The following CTPS1 variants were observed in gnomAD, a reference collection of about 807,000 sequenced individuals.
CTPS1 encodes the protein CTP synthase 1, also known as CTP synthetase 1.
CTPS1 carries 25 observed loss-of-function variants against 80.5 expected under a neutral mutation model. The observed-to-expected ratio is 0.31, with a 90% CI of 0.23 to 0.43. The LOEUF is 0.43. Among genes scored for constraint, CTPS1 ranks in the 20% least tolerant of loss-of-function variants. The pLI, the probability that CTPS1 is intolerant of heterozygous loss-of-function variation, is 1.00. For missense variants in CTPS1, 442 were observed against 725.7 expected, an observed-to-expected ratio of 0.61 and a Z score of 4.49; for synonymous variants, 267 against 252.5, an observed-to-expected ratio of 1.06 and a Z score of -0.54.
rs185054726 is a variant in CTPS1 at position 40,997,629 on chromosome 1, A to G, written c.1005+103A>G. On this transcript the variant is annotated intron_variant, in intron 9 of 18. Transcript: ENST00000650070. ...TGCTTTCTGTTTGGAGCTCAGAATT[A>G]CTTTTTAAGGAATTACTTTTTAAGG... The G allele has an allele frequency of 2.2e-4, 302 of 1,357,588 alleles. 1 individual carries two copies. The African/African-American group carries it at 4.1e-3, about 19-fold the overall frequency. 84.1% of individuals were successfully genotyped at this position (1,357,588 alleles called of 1,614,324 possible). A position where few individuals can be genotyped will look rare whatever the true frequency, so the allele number is the denominator to read the frequency against.
Position 41,003,138 on chromosome 1 carries a change from C to A in CTPS1, c.1214C>A (p.Ala405Glu). 1 of 1,614,114 alleles carries A rather than the reference C, an allele frequency of 6.2e-7. No individual in the cohort carries two copies. The highest frequency in any genetic ancestry group is 8.5e-7 in the Non-Finnish European group (1 of 1,180,018). ...GGCGTGTGCTTAGGGATGCAGTTGG[C>A]AGTGGTTGAATTCTCAAGAAACGTG... ...FLGVCLGMQLAVVEFSRNVLG... is the reference protein window; with the variant it reads ...FLGVCLGMQLEVVEFSRNVLG... Residue 405 changes from alanine (A) to glutamate (E), a missense_variant, in exon 12 of 19, where the codon GCA (alanine) becomes GAA (glutamate). By Grantham distance (107) the Ala-to-Glu change is moderately radical. Coordinates refer to ENST00000650070, the MANE Select transcript of CTPS1 (RefSeq NM_001905.4).
At chr1:40,984,123 T>A (rs4132438) in intron 2 of CTPS1, among the ~76,000 whole-genome samples, 41,077 of 152,158 alleles carry the variant, frequency 0.27, 5,830 homozygotes, top group Non-Finnish European at 0.3. Flanking sequence ...ACAAATGGCA[T>A]CAGGAAAAGA....
intron 4 of CTPS1, 37 bp downstream of exon 4, chr1:40,987,509 C>T (rs1409983052): frequency 7.0e-7 from 1 of 1,424,532 alleles, no homozygotes; most frequent in African/African-American, 1.4e-5. Flanking sequence ...CAAGTGTACT[C>T]ATCTCCTTAG....
Position 41,009,581 on chromosome 1 carries a change from C to G in CTPS1, c.1683C>G (p.Leu561=). The change falls in exon 17 of 19, where the codon CTC becomes CTG. Residue 561 remains leucine (L), a synonymous_variant. Coordinates refer to ENST00000650070, the MANE Select transcript of CTPS1 (RefSeq NM_001905.4). ...ATTACCTCCAGAAAGGCTGCAGGCT[C>G]TCACCCAGGTAGGCGCACTCTTTGC... The part of the protein sequence containing the change: ...LSHYLQKGCR[L]SPRDTYSDRS... 1.2e-6 allele frequency: 2 copies of G among 1,614,134 alleles called. No homozygotes were observed. Among genetic ancestry groups the G allele is most frequent in the Non-Finnish European group, 1.7e-6 (2 of 1,180,028 alleles).
chr1:41,004,606 A>G (rs760180452), intron 12 of CTPS1, among the ~76,000 whole-genome samples: 67 of 152,236 alleles, frequency 4.4e-4, no homozygotes, highest in Non-Finnish European at 5.7e-4. Flanking sequence ...GCGTTCACAT[A>G]GTACCAGGAA....
chr1:41,000,245 T>C (rs1642870382), intron 9 of CTPS1, among the ~76,000 whole-genome samples: 1 of 151,786 alleles, frequency 6.6e-6, no homozygotes, highest in South Asian at 2.1e-4. Context: ...TTGTTTTGTT[T>C]TGTTTTGTTT....
chr1:40,988,510 C>G, intron 4 of CTPS1, 84 bp from the exon 5 acceptor site: 1 of 849,748 alleles, frequency 1.2e-6, no homozygotes, highest in Non-Finnish European at 2.0e-6. Context: ...GATACTGAAT[C>G]AGGAAGACAG....
chr1:40,994,421 T>C (rs1337064613), intron 7 of CTPS1, among the ~76,000 whole-genome samples: 2 of 152,238 alleles, frequency 1.3e-5, no homozygotes, highest in East Asian at 3.8e-4. Flanking sequence ...TAAAGTTGTT[T>C]AGACTTATTT....
chr1:40,980,022 G>A (rs540707347), intron 1 of CTPS1, 193 bp downstream of exon 1: 1 of 151,412 alleles, frequency 6.6e-6, no homozygotes, highest in East Asian at 1.9e-4. Context: ...CGCCCCGGCC[G>A]GCGAGCTGCC....
intron 13 of CTPS1, 28 bp downstream of exon 13, chr1:41,006,122 G>C: frequency 6.3e-7 from 1 of 1,585,862 alleles, no homozygotes; most frequent in Non-Finnish European, 8.7e-7. Context: ...ACCTCCACAG[G>C]GCTTAGAAGG....
intron 12 of CTPS1, among the ~76,000 whole-genome samples, chr1:41,005,629 C>T (rs547047642): frequency 1.3e-5 from 2 of 152,048 alleles, no homozygotes; most frequent in South Asian, 2.1e-4. Context: ...TATTTATTGC[C>T]GGTCTGGTGG....
At chr1:40,990,235 G>GA (rs1017325685) in intron 5 of CTPS1, among the ~76,000 whole-genome samples, 2 of 152,158 alleles carry the variant, frequency 1.3e-5, no homozygotes, top group Admixed American at 6.5e-5. Flanking sequence ...GGCCTTTACA[G>GA]AAAAAATTTT....
rs140062309 is a variant in CTPS1, at chr1:41,001,009, CCT to C, written c.1006-19_1006-18del. 151,609 of 1,573,150 alleles carry C rather than the reference CCT, an allele frequency of 0.096. 8,050 individuals are homozygous for C. Among genetic ancestry groups the C allele is most frequent in the Admixed American group, 0.14 (7,149 of 52,496 alleles). On this transcript the variant is annotated intron_variant, in intron 9 of 18. Transcript: ENST00000650070. ...TGGGGTCACGAGCCTGCTTTTCTCC[CCT>C]GTCTGAATAACATCCAGTACATAGA...
At chr1:41,000,270 T>C (rs1642871063) in intron 9 of CTPS1, among the ~76,000 whole-genome samples, 1 of 151,988 alleles carries the variant, frequency 6.6e-6, no homozygotes, top group Non-Finnish European at 1.5e-5. Flanking sequence ...TGAGATGGAG[T>C]CTCGCTCTGT....
rs371833298 is a variant in CTPS1, at chr1:41,005,918, G to A, written c.1253-133G>A. 4.1e-5 allele frequency: 29 copies of A among 714,512 alleles called. 1 individual carries two copies. The highest frequency in any genetic ancestry group is 1.6e-4 in the East Asian group (6 of 37,284). 44.3% of individuals were successfully genotyped at this position (714,512 alleles called of 1,614,324 possible). A position where few individuals can be genotyped will look rare whatever the true frequency, so the allele number is the denominator to read the frequency against. On this transcript the variant is annotated intron_variant, in intron 12 of 18. Transcript: ENST00000650070. ...TCTCGTCTGGGGATGAGGTCAGGGGGATGCTATCTTTAGTTTTTGTTCTAA... is the reference window on the plus strand; with the variant it reads ...TCTCGTCTGGGGATGAGGTCAGGGGAATGCTATCTTTAGTTTTTGTTCTAA...
chr1:40,998,555 C>T (rs1288357816), intron 9 of CTPS1, among the ~76,000 whole-genome samples: 1 of 152,100 alleles, frequency 6.6e-6, no homozygotes, highest in Admixed American at 6.5e-5. Flanking sequence ...GGTGATGGTG[C>T]CTTCCTCCTA....
intron 10 of CTPS1, 60 bp downstream of exon 10, chr1:41,001,177 G>A: frequency 7.7e-6 from 10 of 1,291,938 alleles, no homozygotes; most frequent in Non-Finnish European, 1.1e-5. Context: ...TAATGAAAAA[G>A]TCCTCTTGTT....
chr1:40,989,000 C>T (rs1009663243), intron 5 of CTPS1, among the ~76,000 whole-genome samples: 7 of 152,130 alleles, frequency 4.6e-5, no homozygotes, highest in Non-Finnish European at 1.0e-4. Flanking sequence ...AAAGACAAAT[C>T]TTGTGGAGAG....
intron 18 of CTPS1, among the ~76,000 whole-genome samples, chr1:41,011,003 G>C (rs1261398754): frequency 6.6e-6 from 1 of 152,208 alleles, no homozygotes; most frequent in Non-Finnish European, 1.5e-5. Flanking sequence ...ATGGGTGTGT[G>C]GTTCCACCGC....
Sources: gnomAD v4.1 joint callset for allele counts (sites outside exome capture counted in the v4.1 genomes callset) on GRCh38, gnomAD v4.1.1 for gene constraint, MANE v1.5 for transcripts, NCBI Gene and HGNC (gene_info 2026-07-23, HGNC 2026-07-21) for gene names.